The following CNTN3 variants were observed in gnomAD, a reference collection of about 807,000 sequenced individuals.
CNTN3 encodes contactin 3.
Under a neutral mutation model 119.1 loss-of-function variants are expected in CNTN3, and 60 were observed. The ratio of observed to expected loss-of-function variants is 0.50; its 90% confidence interval spans 0.41 to 0.62. The LOEUF (loss-of-function observed/expected upper bound fraction) is 0.62. CNTN3 is among the 20% of genes least tolerant of loss of function. CNTN3 has a pLI of 0.00. For synonymous variants in CNTN3, 450 were observed against 438.7 expected, an observed-to-expected ratio of 1.03 and a Z score of -0.32; for missense variants, 1,101 against 1,242.4, an observed-to-expected ratio of 0.89 and a Z score of 1.71.
At chr3:74,305,010 A>C (rs61290895) in intron 13 of CNTN3, among the ~76,000 whole-genome samples, 5,735 of 152,260 alleles carry the variant, frequency 0.038, 347 homozygotes, top group African/African-American at 0.13. Flanking sequence ...GGAGTACTAC[A>C]TAGAGACAAG....
At chr3:74,366,780 G>GTGTGTGTATATA (rs1447686332) in intron 8 of CNTN3, among the ~76,000 whole-genome samples, 2 of 63,704 alleles carry the variant, frequency 3.1e-5, no homozygotes, top group South Asian at 8.7e-4. Flanking sequence ...GTGTGTGTGT[G>GTGTGTGTATATA]TATATATATA....
At chr3:74,332,523 C>G (rs1034745408) in intron 13 of CNTN3, among the ~76,000 whole-genome samples, 1 of 152,182 alleles carries the variant, frequency 6.6e-6, no homozygotes, top group African/African-American at 2.4e-5. Context: ...CTATGTAAAT[C>G]AAGATAGTTA....
intron 1 of CNTN3, among the ~76,000 whole-genome samples, chr3:74,526,038 T>C (rs1170076882): frequency 1.3e-5 from 2 of 152,022 alleles, no homozygotes; most frequent in East Asian, 3.9e-4. Context: ...GCAACATTTC[T>C]TTCAGATAAC....
rs776621925 is a variant in CNTN3 at position 74,551,754 on chromosome 3, CTTTTTTTTTTTTTTTT to C, written c.-80-30578_-80-30563del. ...AGATCTGCTTCTTCTTCTTCTTCTT[CTTTTTTTTTTTTTTTT>C]TTTTTTTTTTTGAGATGGAGTCCTG... On this transcript the variant is annotated intron_variant, in intron 1 of 22. Coordinates refer to ENST00000263665, the MANE Select transcript of CNTN3 (RefSeq NM_020872.3). Among the ~76,000 whole-genome samples, 5 of 60,204 alleles carry C rather than the reference CTTTTTTTTTTTTTTTT, an allele frequency of 8.3e-5. No homozygotes were observed. The East Asian group carries it at 3.2e-3, about 38-fold the overall frequency. 39.5% of individuals were successfully genotyped at this position (60,204 alleles called of 152,430 possible).
intron 5 of CNTN3, among the ~76,000 whole-genome samples, chr3:74,413,938 A>T (rs1478965779): frequency 6.6e-6 from 1 of 152,188 alleles, no homozygotes; most frequent in Non-Finnish European, 1.5e-5. Flanking sequence ...ACACACAATA[A>T]CAACAATAAC....
intron 1 of CNTN3, among the ~76,000 whole-genome samples, chr3:74,546,696 C>T (rs1438744476): frequency 6.6e-6 from 1 of 152,134 alleles, no homozygotes; most frequent in Non-Finnish European, 1.5e-5. Flanking sequence ...GCACTGTCGG[C>T]GTCCCTACTT....
intron 4 of CNTN3, among the ~76,000 whole-genome samples, chr3:74,461,804 T>A (rs1702372724): frequency 6.6e-6 from 1 of 152,076 alleles, no homozygotes; most frequent in Non-Finnish European, 1.5e-5. Flanking sequence ...ATTTTATAAG[T>A]GGTCAGTTTA....
intron 1 of CNTN3, among the ~76,000 whole-genome samples, chr3:74,564,408 CA>C (rs902324218): frequency 6.6e-6 from 1 of 151,814 alleles, no homozygotes; most frequent in African/African-American, 2.4e-5. Flanking sequence ...TGGTAAATTC[CA>C]AAAACAAGAG....
chr3:74,295,297 T>C lies in CNTN3; in HGVS notation c.2402-61A>G, dbSNP rs911908885. 43 of 824,716 alleles carry C rather than the reference T, an allele frequency of 5.2e-5. No individual in the cohort carries two copies. In the African/African-American group the frequency reaches 5.3e-4, roughly 10 times the overall value. The allele number at this position is 824,716 out of a possible 1,614,324, so 51.1% of individuals were successfully genotyped here. A position where few individuals can be genotyped will look rare whatever the true frequency, so the allele number is the denominator to read the frequency against. On this transcript the variant is annotated intron_variant, in intron 18 of 22. Transcript: ENST00000263665. ...TTTGGCAGTTAGTTTAAAACACAGATTAATGTTCTTATTTTTATAAAAGCA... is the reference window on the plus strand; with the variant it reads ...TTTGGCAGTTAGTTTAAAACACAGACTAATGTTCTTATTTTTATAAAAGCA...
chr3:74,443,842 G>C (rs567211661), intron 4 of CNTN3, among the ~76,000 whole-genome samples: 1 of 152,166 alleles, frequency 6.6e-6, no homozygotes, highest in Admixed American at 6.5e-5. Flanking sequence ...ATACTTAGTG[G>C]GTGGTGCATC....
intron 4 of CNTN3, among the ~76,000 whole-genome samples, chr3:74,444,320 G>A (rs1702015235): frequency 1.3e-5 from 2 of 152,012 alleles, no homozygotes; most frequent in South Asian, 4.2e-4. Context: ...ATAACAAGTG[G>A]TGAATAATAT....
chr3:74,486,828 T>C (rs150131147), intron 3 of CNTN3, among the ~76,000 whole-genome samples, 197 bp from the exon 4 acceptor site: 41 of 152,286 alleles, frequency 2.7e-4, no homozygotes, highest in African/African-American at 8.7e-4. Context: ...GTAGAAAGTA[T>C]AACAGAGTAG....
intron 18 of CNTN3, among the ~76,000 whole-genome samples, chr3:74,295,503 T>C (rs1702320374): frequency 6.6e-6 from 1 of 152,182 alleles, no homozygotes; most frequent in Non-Finnish European, 1.5e-5. Context: ...CTTCCTTATC[T>C]TCCTTTTTCT....
intron 19 of CNTN3, among the ~76,000 whole-genome samples, chr3:74,287,672 A>G (rs1388651746): frequency 2.6e-5 from 4 of 152,184 alleles, no homozygotes; most frequent in Admixed American, 2.6e-4. Flanking sequence ...GCTGACTGGT[A>G]TGAACTATTG....
intron 5 of CNTN3, among the ~76,000 whole-genome samples, chr3:74,397,653 TATA>T (rs1341746833): frequency 1.3e-5 from 2 of 152,172 alleles, no homozygotes; most frequent in Non-Finnish European, 2.9e-5. Flanking sequence ...ATTTTGAAGT[TATA>T]ATATTTAAGA....
At chr3:74,487,574 A>C (rs950072063) in intron 3 of CNTN3, among the ~76,000 whole-genome samples, 2 of 152,156 alleles carry the variant, frequency 1.3e-5, no homozygotes, top group African/African-American at 4.8e-5. Context: ...TAAAGCAACC[A>C]TGTGAGTTGA....
At chr3:74,330,355 CAAA>C (rs781502877) in intron 13 of CNTN3, among the ~76,000 whole-genome samples, 2 of 115,054 alleles carry the variant, frequency 1.7e-5, no homozygotes, top group African/African-American at 3.2e-5. Flanking sequence ...GACCCTGTCT[CAAA>C]AAAAAAAAAA....
At chr3:74,344,264 A>G (rs1040807406) in intron 11 of CNTN3, among the ~76,000 whole-genome samples, 4 of 152,178 alleles carry the variant, frequency 2.6e-5, no homozygotes, top group Non-Finnish European at 5.9e-5. Context: ...ACAGTGGACC[A>G]ACTAACACCC....
chr3:74,535,347 C>T (rs1194009564), intron 1 of CNTN3, among the ~76,000 whole-genome samples: 1 of 152,112 alleles, frequency 6.6e-6, no homozygotes, highest in African/African-American at 2.4e-5. Context: ...CTTGAATTTA[C>T]ACCCACAGTA....
Sources: gnomAD v4.1 joint callset for allele counts (sites outside exome capture counted in the v4.1 genomes callset) on GRCh38, gnomAD v4.1.1 for gene constraint, MANE v1.5 for transcripts, NCBI Gene and HGNC (gene_info 2026-07-23, HGNC 2026-07-21) for gene names.